PPM1B: variants seen among roughly 807,000 people sequenced by gnomAD.
The protein encoded by PPM1B is protein phosphatase 1B.
In PPM1B, 22 loss-of-function variants were observed where a neutral mutation model predicts 43.0. The observed-to-expected ratio is 0.51, with a 90% CI of 0.37 to 0.73. The LOEUF is 0.73. Ranked by LOEUF, PPM1B falls within the 30% of genes least tolerant of loss-of-function variation. PPM1B has a pLI of 0.00. For missense variants in PPM1B, 632 were observed against 584.2 expected (o/e 1.08, Z -0.84); for synonymous variants, 217 against 197.9 (o/e 1.10, Z -0.81).
At chr2:44,200,235 A>G (rs1004578913) in intron 1 of PPM1B, among the ~76,000 whole-genome samples, 2 of 152,228 alleles carry the variant, frequency 1.3e-5, no homozygotes, top group Admixed American at 6.5e-5. Flanking sequence ...AATTTGCCCA[A>G]GGTCACCTAG....
intron 1 of PPM1B, among the ~76,000 whole-genome samples, chr2:44,179,390 T>G (rs527809986): frequency 4.6e-5 from 7 of 152,346 alleles, no homozygotes; most frequent in Admixed American, 1.3e-4. Context: ...AGCATTAGCC[T>G]CATTTAACAT....
rs1186973456 is a variant in PPM1B at position 44,180,484 on chromosome 2, T to C, written c.-15+11210T>C. Among the ~76,000 whole-genome samples, 4 of 152,230 alleles carry C rather than the reference T, an allele frequency of 2.6e-5. 1 individual carries two copies. In the South Asian group the frequency reaches 6.2e-4, roughly 24 times the overall value. ...TCAAGGACTGCTTGTACTTAGTAAA[T>C]GTTGCAGTGGATAATAGAGGTTAAT... is the stretch of plus-strand genomic sequence containing the variant. On this transcript the variant is annotated intron_variant, in intron 1 of 5. Coordinates refer to ENST00000282412, the MANE Select transcript of PPM1B (RefSeq NM_002706.6).
At chr2:44,238,002 G>A (rs1032425142), downstream of PPM1B, among the ~76,000 whole-genome samples, 1 of 152,192 alleles carries the variant, frequency 6.6e-6, no homozygotes, top group Non-Finnish European at 1.5e-5. Flanking sequence ...CCGGGTTCAA[G>A]CGATTCTTCT....
At chr2:44,194,327 G>T (rs771004376) in intron 1 of PPM1B, among the ~76,000 whole-genome samples, 8 of 152,188 alleles carry the variant, frequency 5.3e-5, no homozygotes, top group Non-Finnish European at 8.8e-5. Flanking sequence ...ATTCCTGTGT[G>T]TAAGTAATCT....
At chr2:44,229,520 G>A (rs1295072705) in intron 5 of PPM1B, among the ~76,000 whole-genome samples, 1 of 152,098 alleles carries the variant, frequency 6.6e-6, no homozygotes. Context: ...CCTGCATTCT[G>A]AATTCATATG....
intron 1 of PPM1B, among the ~76,000 whole-genome samples, chr2:44,189,762 G>C (rs1478492317): frequency 6.6e-6 from 1 of 152,234 alleles, no homozygotes; most frequent in Admixed American, 6.5e-5. Flanking sequence ...ACTGTAGCCT[G>C]CCCATTGTTT....
intron 1 of PPM1B, among the ~76,000 whole-genome samples, chr2:44,194,012 C>T (rs1253859831): frequency 2.6e-5 from 4 of 152,152 alleles, no homozygotes; most frequent in Non-Finnish European, 5.9e-5. Context: ...CTGCATCACC[C>T]AGCCTGGTTT....
intron 3 of PPM1B, among the ~76,000 whole-genome samples, chr2:44,211,655 T>G (rs1262602018): frequency 6.6e-6 from 1 of 151,878 alleles, no homozygotes; most frequent in African/African-American, 2.4e-5. Context: ...AACCTATTGC[T>G]CATTAAGATT....
At chr2:44,170,385 A>C (rs1667274379) in intron 1 of PPM1B, among the ~76,000 whole-genome samples, 1 of 152,238 alleles carries the variant, frequency 6.6e-6, no homozygotes, top group South Asian at 2.1e-4. Flanking sequence ...ATTATTTAGG[A>C]ATTTGAGTAG....
chr2:44,240,572 A>G (rs1315947659), intron 5 of PPM1B, among the ~76,000 whole-genome samples: 1 of 128,170 alleles, frequency 7.8e-6, no homozygotes, highest in Non-Finnish European at 1.6e-5. Context: ...TAAAATATCT[A>G]AAATTTAAAA....
chr2:44,209,383 G>T, intron 3 of PPM1B, 56 bp downstream of exon 3: 1 of 1,572,542 alleles, frequency 6.4e-7, no homozygotes, highest in South Asian at 1.2e-5. Flanking sequence ...GCTCATGCCT[G>T]TAATCCTAGC....
intron 2 of PPM1B, among the ~76,000 whole-genome samples, chr2:44,202,262 T>A (rs1221409156): frequency 6.6e-6 from 1 of 152,242 alleles, no homozygotes; most frequent in Non-Finnish European, 1.5e-5. Flanking sequence ...TTGAGGCATT[T>A]GTTGTCATTT....
At chr2:44,218,440 G>A in intron 4 of PPM1B, 40 bp from the exon 5 acceptor site, 1 of 1,444,466 alleles carries the variant, frequency 6.9e-7, no homozygotes, top group East Asian at 2.3e-5. Flanking sequence ...TTAAAATTCT[G>A]TGTAATTTAA....
intron 1 of PPM1B, among the ~76,000 whole-genome samples, chr2:44,177,338 T>A (rs559764208): frequency 6.6e-6 from 1 of 152,008 alleles, no homozygotes. Context: ...TGGTTGCTAG[T>A]CCTAAACTTA....
downstream of PPM1B, chr2:44,232,576 CGT>C: frequency 7.3e-7 from 1 of 1,368,796 alleles, no homozygotes; most frequent in Non-Finnish European, 9.4e-7. Context: ...CAGGCATACT[CGT>C]TACATCTGTA....
In PPM1B at chr2:44,230,654, G is replaced by C; in HGVS notation, c.1376G>C (p.Gly459Ala). The C allele has an allele frequency of 6.2e-7, 1 of 1,614,150 alleles. No individual in the cohort carries two copies. The highest frequency in any genetic ancestry group is 8.5e-7 in the Non-Finnish European group (1 of 1,179,988). Residue 459 changes from glycine (G) to alanine (A), a missense_variant, in exon 6 of 6, where the codon GGT becomes GCT. By Grantham distance (60) the Gly-to-Ala change is moderately conservative (BLOSUM62 0). Around this residue, in one of 3 missense-constraint regions of PPM1B, gnomAD observed 392 missense variants for 302.7 expected, o/e 1.29. Coordinates refer to ENST00000282412, the MANE Select transcript of PPM1B (RefSeq NM_002706.6). The stretch of plus-strand genomic sequence containing the variant: ...GAAAGCCATACTGAATCAGAAAGTG[G>C]TCTTGCTGAATTAGACAGCTCTAAT... ...MQESHTESES[G>A]LAELDSSNED...
At chr2:44,227,666 A>G (rs944065764) in intron 5 of PPM1B, among the ~76,000 whole-genome samples, 1 of 150,808 alleles carries the variant, frequency 6.6e-6, no homozygotes, top group Admixed American at 6.6e-5. Context: ...TTACTGATGC[A>G]CACACACCAT....
chr2:44,233,716 C>G (rs1475156754), downstream of PPM1B: 31 of 985,676 alleles, frequency 3.1e-5, no homozygotes, highest in Non-Finnish European at 3.7e-5. Flanking sequence ...TCTGGAGAGC[C>G]ACACATTTAA....
At position 44,185,161 on chromosome 2, in the gene PPM1B, A is replaced by C. The variant is rs150127592; in HGVS notation, c.-15+15887A>C. On this transcript the variant is annotated intron_variant, in intron 1 of 5. Coordinates refer to ENST00000282412, the MANE Select transcript of PPM1B (RefSeq NM_002706.6). ...ATTTAAATGGAATCATACATTGTAT[A>C]CTCTTTGATTTCTAGTTTCTTTCAG... Among the ~76,000 whole-genome samples, 6 of 151,980 alleles carry C rather than the reference A, an allele frequency of 3.9e-5. No individual in the cohort carries two copies. The East Asian group carries it at 1.2e-3, about 29-fold the overall frequency.
Sources: gnomAD v4.1 joint callset for allele counts (sites outside exome capture counted in the v4.1 genomes callset) on GRCh38, gnomAD v4.1.1 for gene constraint, gnomAD v4.1.1 regional missense constraint, MANE v1.5 for transcripts, NCBI Gene and HGNC (gene_info 2026-07-23, HGNC 2026-07-21) for gene names.